Variants in UCP1 observed in about 807,000 individuals in gnomAD.
UCP1 encodes the protein uncoupling protein 1.
UCP1 carries 24 observed loss-of-function variants against 26.2 expected under a neutral mutation model. That is an observed-to-expected ratio of 0.92 (90% CI 0.66 to 1.29). The LOEUF is 1.29. Among genes scored for constraint, UCP1 ranks in the 50% most tolerant of loss-of-function variants. The pLI, the probability that UCP1 is intolerant of heterozygous loss-of-function variation, is 0.00. For synonymous variants in UCP1, 164 were observed against 156.8 expected, an observed-to-expected ratio of 1.05 and a Z score of -0.34; for missense variants, 402 against 388.7, an observed-to-expected ratio of 1.03 and a Z score of -0.29.
chr4:140,568,031 A>C (rs1321952465), intron 1 of UCP1, 54 bp from the exon 2 acceptor site: 5 of 1,587,998 alleles, frequency 3.1e-6, no homozygotes, highest in Non-Finnish European at 4.3e-6. Flanking sequence ...TTCACTCTTA[A>C]GCCAAGATTT....
At chr4:140,563,587 A>T in intron 2 of UCP1, 69 bp from the exon 3 acceptor site, 1 of 1,400,570 alleles carries the variant, frequency 7.1e-7, no homozygotes, top group Non-Finnish European at 9.7e-7. Context: ...TGTCTTTTTA[A>T]TTTTCAGTGG....
intron 2 of UCP1, among the ~76,000 whole-genome samples, chr4:140,564,434 A>G (rs1442219127): frequency 1.3e-5 from 2 of 152,244 alleles, no homozygotes; most frequent in African/African-American, 4.8e-5. Context: ...ATCATTAAGT[A>G]AACATAAAAT....
Position 140,567,853 on chromosome 4 carries a change from C to A in UCP1, c.251G>T (p.Arg84Leu), listed in dbSNP as rs751487709. 13 of 1,613,980 alleles carry A rather than the reference C, an allele frequency of 8.1e-6. No homozygotes were observed. Among genetic ancestry groups the A allele is most frequent in the Non-Finnish European group, 1.0e-5 (12 of 1,180,038 alleles). The change falls in exon 2 of 6, where the codon CGG becomes CTG. Residue 84 changes from arginine (R) to leucine (L), a missense_variant. Transcript: ENST00000262999. ...CCTGAGAGAGGCGGAGCTGATTTGC[C>A]GCTGAAGCCCCGCAGGCAGCCCGCT... Reference protein sequence around the residue: ...LYSGLPAGLQRQISSASLRIG... With the variant: ...LYSGLPAGLQLQISSASLRIG...
intron 5 of UCP1, 63 bp downstream of exon 5, chr4:140,562,130 G>C (rs1029877881): frequency 6.3e-7 from 1 of 1,584,892 alleles, no homozygotes; most frequent in Admixed American, 1.7e-5. Flanking sequence ...TGCTTGACAT[G>C]AGAGTGTCCC....
intron 5 of UCP1, among the ~76,000 whole-genome samples, chr4:140,561,962 T>G (rs1296811824): frequency 2.0e-5 from 3 of 152,232 alleles, no homozygotes; most frequent in Non-Finnish European, 4.4e-5. Flanking sequence ...GAAAAGGCAC[T>G]GGTCTTGAAT....
At position 140,567,809 on chromosome 4, in the gene UCP1, C is replaced by G. The variant is rs1578791339; in HGVS notation, c.295G>C (p.Val99Leu). ...TTCCCTGCGGTGAGGAACTCCTGGA[C>G]CGTGTCGTAGAGGCCGATCCTGAGA... Reference protein sequence around the residue: ...ASLRIGLYDTVQEFLTAGKET... With the variant: ...ASLRIGLYDTLQEFLTAGKET... Residue 99 changes from valine to leucine, a missense_variant, in exon 2 of 6, where the codon GTC (valine) becomes CTC (leucine). Coordinates refer to ENST00000262999, the MANE Select transcript of UCP1 (RefSeq NM_021833.5). The G allele has an allele frequency of 2.5e-6, 4 of 1,614,142 alleles. No individual in the cohort carries two copies. Among genetic ancestry groups the G allele is most frequent in the South Asian group, 1.1e-5 (1 of 91,084 alleles).
chr4:140,560,049 A>AT (rs371463243), intron 5 of UCP1, 39 bp from the exon 6 acceptor site: 73,269 of 1,180,174 alleles, frequency 0.062, 29 homozygotes, highest in Non-Finnish European at 0.067. Context: ...AATTTGTTTG[A>AT]TTTTTTTTTT....
At chr4:140,567,035 C>T (rs1735815482) in intron 2 of UCP1, among the ~76,000 whole-genome samples, 1 of 152,212 alleles carries the variant, frequency 6.6e-6, no homozygotes, top group Admixed American at 6.5e-5. Context: ...GATAATGGTA[C>T]TAATACCCTT....
chr4:140,561,479 A>C (rs1388809963), intron 5 of UCP1, among the ~76,000 whole-genome samples: 1 of 152,044 alleles, frequency 6.6e-6, no homozygotes, highest in Non-Finnish European at 1.5e-5. Context: ...CAGCTTCCCA[A>C]GTAGAGGGGA....
intron 5 of UCP1, among the ~76,000 whole-genome samples, chr4:140,560,836 C>G (rs972020233): frequency 6.6e-6 from 1 of 152,064 alleles, no homozygotes; most frequent in Non-Finnish European, 1.5e-5. Context: ...TCTCTAGAAC[C>G]TTTTTGTCAC....
chr4:140,568,631 C>T lies in UCP1; in HGVS notation c.99G>A (p.Pro33=). The T allele has an allele frequency of 3.7e-6, 6 of 1,613,302 alleles. 1 individual carries two copies. In the South Asian group the frequency reaches 6.6e-5, roughly 18 times the overall value. Residue 33 remains proline, a synonymous_variant, in exon 1 of 6, where the codon CCG becomes CCA. Transcript: ENST00000262999. ...AACLADVITF[P]LDTAKVRLQV... Reference sequence around the variant, plus strand: ...GGAGCCGGACTTTGGCCGTGTCCAGCGGGAAGGTGATCACGTCCGCCAAGC... The same window carrying T: ...GGAGCCGGACTTTGGCCGTGTCCAGTGGGAAGGTGATCACGTCCGCCAAGC...
Position 140,562,340 on chromosome 4 carries a change from A to G in UCP1, c.662T>C (p.Ile221Thr), listed in dbSNP as rs868783336. ...DVPCHLVSALIAGFCATAMSS... is the reference protein window; with the variant it reads ...DVPCHLVSALTAGFCATAMSS... ...CATAGCTGTTGCGCAAAATCCAGCG[A>G]TAAGAGCCGACACCAAGTGGCAGGG... is the stretch of plus-strand genomic sequence containing the variant. Residue 221 changes from isoleucine (I) to threonine (T), a missense_variant, in exon 5 of 6, where the codon ATC becomes ACC. By Grantham distance (89) the Ile-to-Thr change is moderately conservative. Transcript: ENST00000262999. 6.2e-7 allele frequency: 1 copy of G among 1,614,174 alleles called. No individual in the cohort carries two copies. The highest frequency in any genetic ancestry group is 1.7e-4 in the Middle Eastern group (1 of 6,056).
rs750195616 is a variant in UCP1 at position 140,567,768 on chromosome 4, T to C, written c.325+11A>G. On this transcript the variant is annotated intron_variant, in intron 2 of 5. Coordinates refer to ENST00000262999, the MANE Select transcript of UCP1 (RefSeq NM_021833.5). ...GCTTTTCTGCCCCTCCCAGGAACGC[T>C]CACGGCTTACTTTCTTTCCCTGCGG... 6.2e-7 allele frequency: 1 copy of C among 1,613,746 alleles called. No individual in the cohort carries two copies. The highest frequency in any genetic ancestry group is 1.1e-5 in the South Asian group (1 of 91,058).
At position 140,562,177 on chromosome 4, in the gene UCP1, C is replaced by A; in HGVS notation, c.809+16G>T. ...ACAGCCAGAACACATTACAGATACA[C>A]AAGATCATATCTTACCCCTTGAAGA... On this transcript the variant is annotated intron_variant, in intron 5 of 5. Transcript: ENST00000262999. The A allele has an allele frequency of 6.2e-7, 1 of 1,614,104 alleles. No individual in the cohort carries two copies. Among genetic ancestry groups the A allele is most frequent in the Non-Finnish European group, 8.5e-7 (1 of 1,179,950 alleles).
rs1409955656 is a variant in UCP1 at position 140,562,478 on chromosome 4, G to A, written c.629-105C>T. On this transcript the variant is annotated intron_variant, in intron 4 of 5. Coordinates refer to ENST00000262999, the MANE Select transcript of UCP1 (RefSeq NM_021833.5). ...CTATTGATAACAGTAGGTCAATGAA[G>A]ATGTCTTATAAATAAATAAAATAAA... is the stretch of plus-strand genomic sequence containing the variant. 1.8e-5 allele frequency: 20 copies of A among 1,131,750 alleles called. No homozygotes were observed. The Admixed American group carries it at 4.2e-4, about 24-fold the overall frequency. 70.1% of individuals were successfully genotyped at this position (1,131,750 alleles called of 1,614,324 possible).
In UCP1 at chr4:140,563,387, G is replaced by T; in HGVS notation, c.457C>A (p.Arg153Ser). The T allele has an allele frequency of 6.2e-7, 1 of 1,614,016 alleles. No individual in the cohort carries two copies. The highest frequency in any genetic ancestry group is 8.5e-7 in the Non-Finnish European group (1 of 1,180,000). The change falls in exon 3 of 6, where the codon CGC becomes AGC. Residue 153 changes from arginine to serine, a missense_variant. Coordinates refer to ENST00000262999, the MANE Select transcript of UCP1 (RefSeq NM_021833.5). ...TACGCATTATAAGTCCCCGTGTAGCGAGGTTTGATTCCGTGGAGATGGCTC... is the reference window on the plus strand; with the variant it reads ...TACGCATTATAAGTCCCCGTGTAGCTAGGTTTGATTCCGTGGAGATGGCTC... ...AQSHLHGIKP[R>S]YTGTYNAYRI...
chr4:140,563,285 G>C (rs765974159), intron 3 of UCP1, 33 bp downstream of exon 3: 2 of 1,612,816 alleles, frequency 1.2e-6, no homozygotes, highest in African/African-American at 2.7e-5. Context: ...TATGTGCTTT[G>C]GTGGTTATAA....
chr4:140,564,076 G>A (rs1030089551), intron 2 of UCP1, among the ~76,000 whole-genome samples: 2 of 152,190 alleles, frequency 1.3e-5, no homozygotes, highest in African/African-American at 4.8e-5. Context: ...TATTTTCACA[G>A]TGGCCTGATT....
intron 5 of UCP1, among the ~76,000 whole-genome samples, chr4:140,561,045 T>TA (rs1735666626): frequency 6.6e-6 from 1 of 152,216 alleles, no homozygotes; most frequent in African/African-American, 2.4e-5. Flanking sequence ...CATGTTGTAG[T>TA]ATTTCTTCCC....
Sources: gnomAD v4.1 joint callset for allele counts (sites outside exome capture counted in the v4.1 genomes callset) on GRCh38, gnomAD v4.1.1 for gene constraint, MANE v1.5 for transcripts, NCBI Gene and HGNC (gene_info 2026-07-23, HGNC 2026-07-21) for gene names.